The following TMEM108 variants were observed in gnomAD, a reference collection of about 807,000 sequenced individuals.
TMEM108 encodes the protein cancer/testis antigen 124.
TMEM108 carries 12 observed loss-of-function variants against 35.1 expected under a neutral mutation model. The ratio of observed to expected loss-of-function variants is 0.34; its 90% confidence interval spans 0.22 to 0.55. The LOEUF (loss-of-function observed/expected upper bound fraction) is 0.55, where lower values mean the gene tolerates loss of function less well. TMEM108 is among the 20% of genes least tolerant of loss of function. The probability of loss-of-function intolerance (pLI) is 0.89; values close to 1 mark genes in which losing one functional copy is unlikely to be tolerated. For synonymous variants in TMEM108, 287 were observed against 308.6 expected, an observed-to-expected ratio of 0.93 and a Z score of 0.73; for missense variants, 680 against 753.3, an observed-to-expected ratio of 0.90 and a Z score of 1.14.
chr3:133,223,676 C>A (rs1462768695), intron 2 of TMEM108, among the ~76,000 whole-genome samples: 1 of 152,124 alleles, frequency 6.6e-6, no homozygotes, highest in African/African-American at 2.4e-5. Flanking sequence ...AGAGATTCAG[C>A]TGAGAAACCA....
At chr3:133,384,640 C>T (rs2073100425) in intron 4 of TMEM108, among the ~76,000 whole-genome samples, 1 of 152,208 alleles carries the variant, frequency 6.6e-6, no homozygotes, top group Non-Finnish European at 1.5e-5. Context: ...AAGCTGGTCT[C>T]TGCTGCCACC....
chr3:133,358,376 TG>T (rs1312259184), intron 3 of TMEM108, among the ~76,000 whole-genome samples: 2 of 152,102 alleles, frequency 1.3e-5, no homozygotes, highest in African/African-American at 2.4e-5. Flanking sequence ...TTCACCATGT[TG>T]GCCAGATTGG....
At chr3:133,323,036 A>G (rs185044463) in intron 3 of TMEM108, among the ~76,000 whole-genome samples, 1 of 152,302 alleles carries the variant, frequency 6.6e-6, no homozygotes, top group African/African-American at 2.4e-5. Context: ...ATCTATGACA[A>G]ACCCACAGCC....
At chr3:133,349,255 A>G (rs184915520) in intron 3 of TMEM108, among the ~76,000 whole-genome samples, 70 of 151,346 alleles carry the variant, frequency 4.6e-4, no homozygotes, top group African/African-American at 1.6e-3. Flanking sequence ...AACATAACAG[A>G]GGAGGCATTC....
At chr3:133,205,479 G>A (rs936611118) in intron 2 of TMEM108, among the ~76,000 whole-genome samples, 18 of 152,160 alleles carry the variant, frequency 1.2e-4, no homozygotes, top group Admixed American at 7.2e-4. Flanking sequence ...TCCTTCAGGA[G>A]CTCTTGTAAG....
intron 2 of TMEM108, among the ~76,000 whole-genome samples, chr3:133,154,063 GT>G (rs1944841098): frequency 6.6e-6 from 1 of 151,618 alleles, no homozygotes; most frequent in African/African-American, 2.4e-5. Flanking sequence ...ATTTTCATGT[GT>G]TTTTTGGCTG....
chr3:133,226,321 A>C (rs1473949408), intron 2 of TMEM108, among the ~76,000 whole-genome samples: 1 of 152,234 alleles, frequency 6.6e-6, no homozygotes, highest in Non-Finnish European at 1.5e-5. Flanking sequence ...AAAGACCTGG[A>C]AAGGCAAGGG....
At chr3:133,335,785 G>A (rs1036731530) in intron 3 of TMEM108, among the ~76,000 whole-genome samples, 1 of 152,096 alleles carries the variant, frequency 6.6e-6, no homozygotes, top group African/African-American at 2.4e-5. Context: ...CCTTCATATC[G>A]CTGAAAGAGT....
intron 3 of TMEM108, among the ~76,000 whole-genome samples, chr3:133,274,952 A>G (rs2107684476): frequency 6.6e-6 from 1 of 152,230 alleles, no homozygotes; most frequent in East Asian, 1.9e-4. Flanking sequence ...CTGCTAAGAA[A>G]TATCTCAAAA....
At chr3:133,196,287 A>G (rs895759230) in intron 2 of TMEM108, among the ~76,000 whole-genome samples, 1 of 152,172 alleles carries the variant, frequency 6.6e-6, no homozygotes, top group Non-Finnish European at 1.5e-5. Context: ...GAAAAATACC[A>G]AGATATTTTG....
chr3:133,078,338 C>T (rs1051225470), intron 2 of TMEM108, among the ~76,000 whole-genome samples: 1 of 152,090 alleles, frequency 6.6e-6, no homozygotes, highest in South Asian at 2.1e-4. Context: ...GCCTTCCTAC[C>T]CAATTCTTAA....
chr3:133,065,464 G>T (rs1245597746), intron 2 of TMEM108, among the ~76,000 whole-genome samples: 1 of 151,970 alleles, frequency 6.6e-6, no homozygotes, highest in African/African-American at 2.4e-5. Flanking sequence ...TTGATATTTT[G>T]TAGCTCTAGT....
At chr3:133,372,233 C>T (rs1362985924) in intron 3 of TMEM108, among the ~76,000 whole-genome samples, 2 of 152,184 alleles carry the variant, frequency 1.3e-5, no homozygotes, top group Non-Finnish European at 2.9e-5. Flanking sequence ...AGGACATTTT[C>T]CTGGATCAAA....
intron 2 of TMEM108, among the ~76,000 whole-genome samples, chr3:133,116,694 C>T (rs1025264028): frequency 6.6e-6 from 1 of 152,146 alleles, no homozygotes; most frequent in Non-Finnish European, 1.5e-5. Flanking sequence ...TTTTGCCAAG[C>T]GCTCTTGTTG....
intron 3 of TMEM108, among the ~76,000 whole-genome samples, chr3:133,236,894 T>C (rs1382994139): frequency 6.6e-6 from 1 of 152,138 alleles, no homozygotes; most frequent in African/African-American, 2.4e-5. Context: ...TGATCTGAAG[T>C]TCTCATGTAT....
At chr3:133,383,923 C>T (rs1039714732) in intron 4 of TMEM108, among the ~76,000 whole-genome samples, 1 of 152,222 alleles carries the variant, frequency 6.6e-6, no homozygotes, top group Non-Finnish European at 1.5e-5. Context: ...CACATCAGCT[C>T]CATGTCCTCA....
chr3:133,158,483 A>T (rs947783906), intron 2 of TMEM108, among the ~76,000 whole-genome samples: 2 of 151,678 alleles, frequency 1.3e-5, no homozygotes, highest in East Asian at 1.9e-4. Flanking sequence ...AAAAAAAAAA[A>T]AAAAAAGAAA....
chr3:133,140,167 C>T (rs938586171), intron 2 of TMEM108, among the ~76,000 whole-genome samples: 5 of 152,192 alleles, frequency 3.3e-5, no homozygotes, highest in Non-Finnish European at 1.5e-5. Flanking sequence ...AAAAGATTTG[C>T]CGAGCTCCTC....
chr3:133,256,867 A>G (rs556557572), intron 3 of TMEM108, among the ~76,000 whole-genome samples: 1 of 152,348 alleles, frequency 6.6e-6, no homozygotes, highest in South Asian at 2.1e-4. Flanking sequence ...AATTCACTTC[A>G]TGAAATTACT....
Sources: gnomAD v4.1 joint callset for allele counts (sites outside exome capture counted in the v4.1 genomes callset) on GRCh38, gnomAD v4.1.1 for gene constraint, MANE v1.5 for transcripts, NCBI Gene and HGNC (gene_info 2026-07-23, HGNC 2026-07-21) for gene names.